RFX7: variants seen among roughly 807,000 people sequenced by gnomAD.
RFX7 encodes the protein DNA-binding protein RFX7.
RFX7 carries 26 observed loss-of-function variants against 111.8 expected under a neutral mutation model. The observed-to-expected ratio is 0.23, with a 90% confidence interval of 0.17 to 0.32. The LOEUF (loss-of-function observed/expected upper bound fraction) is 0.32. Among genes scored for constraint, RFX7 ranks in the 10% least tolerant of loss-of-function variants. RFX7 has a pLI of 1.00. For missense variants in RFX7, 1,573 were observed against 1,772.9 expected, an observed-to-expected ratio of 0.89 and a Z score of 2.02; for synonymous variants, 624 against 624.4, an observed-to-expected ratio of 1.00 and a Z score of 0.01.
At chr15:56,191,503 G>A (rs1468819599) in intron 2 of RFX7, among the ~76,000 whole-genome samples, 1 of 152,096 alleles carries the variant, frequency 6.6e-6, no homozygotes, top group Non-Finnish European at 1.5e-5. Context: ...ATCTGAGCCT[G>A]CACTTTATAA....
At chr15:56,236,622 A>T (rs2043626551) in intron 2 of RFX7, among the ~76,000 whole-genome samples, 1 of 152,236 alleles carries the variant, frequency 6.6e-6, no homozygotes, top group Admixed American at 6.5e-5. Flanking sequence ...ATCCTAGATG[A>T]AGAGGAATAG....
intron 3 of RFX7, among the ~76,000 whole-genome samples, chr15:56,159,716 G>A (rs1412615670): frequency 2.6e-5 from 4 of 151,912 alleles, no homozygotes; most frequent in Admixed American, 6.6e-5. Flanking sequence ...CTAATTTTTC[G>A]GTGTTCCTGT....
intron 5 of RFX7, among the ~76,000 whole-genome samples, chr15:56,117,841 T>A (rs1305514290): frequency 6.6e-6 from 1 of 152,182 alleles, no homozygotes. Flanking sequence ...CCATTGTGTA[T>A]ATATACATTT....
In RFX7 at chr15:56,243,721, G is replaced by A. The variant is rs2043753089; in HGVS notation, c.-279C>T. On this transcript the variant is annotated 5_prime_UTR_variant, in exon 1 of 10. Coordinates refer to ENST00000559447, the MANE Select transcript of RFX7 (RefSeq NM_022841.7). ...GGCCAAGCCTTCCTTCCTTGTCCCC[G>A]GGGCTTTCTACTGCCGGGTCCCCGT... Among the ~76,000 whole-genome samples the A allele has an allele frequency of 6.6e-6, 1 of 151,362 alleles. No individual in the cohort carries two copies. The highest frequency in any genetic ancestry group is 6.6e-5 in the Admixed American group (1 of 15,226).
intron 8 of RFX7, among the ~76,000 whole-genome samples, chr15:56,100,812 T>G (rs1745382994): frequency 6.6e-6 from 1 of 152,230 alleles, no homozygotes; most frequent in African/African-American, 2.4e-5. Flanking sequence ...AACTCATCTT[T>G]GAATAAAAAT....
At chr15:56,179,362 T>G (rs1453684131) in intron 2 of RFX7, 59 bp from the exon 3 acceptor site, 11 of 774,544 alleles carry the variant, frequency 1.4e-5, no homozygotes, top group Non-Finnish European at 2.0e-5. Flanking sequence ...ATCTGCAATA[T>G]TCTCAAAAAG....
chr15:56,159,227 C>T (rs1454167143), intron 3 of RFX7, among the ~76,000 whole-genome samples: 2 of 152,166 alleles, frequency 1.3e-5, no homozygotes, highest in Non-Finnish European at 2.9e-5. Context: ...ATTACATTTT[C>T]TTTATTCATT....
At position 56,105,928 on chromosome 15, in the gene RFX7, A is replaced by G. The variant is rs369403981; in HGVS notation, c.402-2258T>C. 1.3e-5 allele frequency among the ~76,000 whole-genome samples: 2 copies of G among 152,276 alleles called. 1 individual carries two copies. ...GAATTCTCATTGGTGTAGAGAAATA[A>G]CTGATTAGTAATTGCTATACATTGT... is the stretch of plus-strand genomic sequence containing the variant. On this transcript the variant is annotated intron_variant, in intron 5 of 9. Transcript: ENST00000559447.
intron 2 of RFX7, among the ~76,000 whole-genome samples, chr15:56,217,846 T>C (rs1169946993): frequency 6.6e-6 from 1 of 152,200 alleles, no homozygotes; most frequent in Non-Finnish European, 1.5e-5. Context: ...TTTCACTCAA[T>C]CGAGCCAATC....
At chr15:56,120,128 A>C (rs1428832885) in intron 5 of RFX7, among the ~76,000 whole-genome samples, 1 of 152,184 alleles carries the variant, frequency 6.6e-6, no homozygotes, top group East Asian at 1.9e-4. Context: ...GATTCTTTGA[A>C]TCCATGAACA....
chr15:56,189,165 T>C (rs1371769512), intron 2 of RFX7, among the ~76,000 whole-genome samples: 4 of 152,120 alleles, frequency 2.6e-5, no homozygotes, highest in African/African-American at 9.7e-5. Context: ...GGCGGAAAAA[T>C]TGCTTGAGGC....
intron 3 of RFX7, among the ~76,000 whole-genome samples, chr15:56,164,398 A>G (rs1432144253): frequency 1.3e-5 from 2 of 152,218 alleles, no homozygotes; most frequent in African/African-American, 4.8e-5. Context: ...TATCTGAGCA[A>G]TCATATGTTT....
intron 2 of RFX7, among the ~76,000 whole-genome samples, chr15:56,208,740 G>C (rs1486774645): frequency 6.6e-6 from 1 of 152,132 alleles, no homozygotes; most frequent in Non-Finnish European, 1.5e-5. Context: ...CAAGAGATTA[G>C]AAACACTACC....
intron 8 of RFX7, among the ~76,000 whole-genome samples, 180 bp from the exon 9 acceptor site, chr15:56,098,556 T>A (rs561204707): frequency 1.7e-4 from 26 of 152,232 alleles, no homozygotes; most frequent in Non-Finnish European, 3.4e-4. Flanking sequence ...GTCAATATAG[T>A]TTTGTCATCT....
chr15:56,178,621 A>C (rs1457138927), intron 3 of RFX7, among the ~76,000 whole-genome samples: 2 of 152,174 alleles, frequency 1.3e-5, no homozygotes, highest in Non-Finnish European at 2.9e-5. Context: ...TTATGAAAGA[A>C]ATCAGCAGTA....
Position 56,095,730 on chromosome 15 carries a change from C to A in RFX7, c.1998G>T (p.Glu666Asp), listed in dbSNP as rs2041666280. 1 of 1,613,802 alleles carries A rather than the reference C, an allele frequency of 6.2e-7. No homozygotes were observed. The change falls in exon 10 of 10, where the codon GAG becomes GAT. Residue 666 changes from glutamate to aspartate, a missense_variant. Around this residue, in one of 7 missense-constraint regions of RFX7, gnomAD observed 625 missense variants for 632.2 expected, o/e 0.99. Coordinates refer to ENST00000559447, the MANE Select transcript of RFX7 (RefSeq NM_022841.7). The part of the protein sequence containing the change: ...PRKRLSSTLQ[E>D]TQVPPVKKPI... ...GTTTCTTTACAGGAGGCACCTGGGT[C>A]TCCTGCAATGTAGAAGACAGTCGTT...
intron 2 of RFX7, among the ~76,000 whole-genome samples, chr15:56,201,703 T>A (rs557803665): frequency 6.6e-6 from 1 of 152,170 alleles, no homozygotes; most frequent in South Asian, 2.1e-4. Flanking sequence ...AAGCGATGTA[T>A]GGATAAGAAA....
intron 5 of RFX7, 87 bp downstream of exon 5, chr15:56,142,691 C>A: frequency 8.3e-7 from 1 of 1,206,828 alleles, no homozygotes; most frequent in Non-Finnish European, 1.2e-6. Context: ...GCTTGATATT[C>A]ACCAATAATA....
At chr15:56,140,147 G>A (rs2141017515) in intron 5 of RFX7, among the ~76,000 whole-genome samples, 1 of 152,356 alleles carries the variant, frequency 6.6e-6, no homozygotes, top group East Asian at 1.9e-4. Flanking sequence ...GCTCCGCCCA[G>A]TTGGAGCTTC....
Sources: allele counts gnomAD v4.1 joint callset (sites outside exome capture counted in the v4.1 genomes callset), GRCh38; gene constraint gnomAD v4.1.1; regional missense constraint gnomAD v4.1.1; transcripts MANE v1.5; gene names NCBI Gene and HGNC (gene_info 2026-07-23, HGNC 2026-07-21).